Variants in PTPRM observed in about 807,000 individuals in gnomAD.
PTPRM encodes protein tyrosine phosphatase receptor type M, also known as receptor-type tyrosine-protein phosphatase mu.
Under a neutral mutation model 186.7 loss-of-function variants are expected in PTPRM, and 47 were observed. The observed-to-expected ratio is 0.25, with a 90% confidence interval of 0.20 to 0.32. The LOEUF (loss-of-function observed/expected upper bound fraction) is 0.32. PTPRM is among the 10% of genes least tolerant of loss of function. PTPRM has a pLI of 1.00. For missense variants in PTPRM, 1,494 were observed against 1,865.0 expected, an observed-to-expected ratio of 0.80 and a Z score of 3.66; for synonymous variants, 668 against 674.9, an observed-to-expected ratio of 0.99 and a Z score of 0.16.
intron 2 of PTPRM, among the ~76,000 whole-genome samples, chr18:7,806,953 G>C (rs1377332983): frequency 6.6e-6 from 1 of 152,194 alleles, no homozygotes; most frequent in East Asian, 1.9e-4. Context: ...TTCTGTGCCA[G>C]AGGTTTGTGG....
At chr18:8,013,076 C>A (rs777666593) in intron 7 of PTPRM, among the ~76,000 whole-genome samples, 1 of 151,916 alleles carries the variant, frequency 6.6e-6, no homozygotes, top group African/African-American at 2.4e-5. Flanking sequence ...AAGTAAGTCC[C>A]CTATCTTGGT....
At chr18:8,228,245 A>T (rs1366009895) in intron 14 of PTPRM, among the ~76,000 whole-genome samples, 1 of 152,072 alleles carries the variant, frequency 6.6e-6, no homozygotes, top group Admixed American at 6.5e-5. Context: ...ACTGATCTGT[A>T]TGGGGCACTC....
chr18:7,843,624 A>T (rs2046455459), intron 2 of PTPRM, among the ~76,000 whole-genome samples: 1 of 152,194 alleles, frequency 6.6e-6, no homozygotes, highest in African/African-American at 2.4e-5. Flanking sequence ...TTGCATGAAC[A>T]ACATTGCAAC....
At chr18:8,203,996 C>T (rs1040023577) in intron 14 of PTPRM, among the ~76,000 whole-genome samples, 2 of 152,168 alleles carry the variant, frequency 1.3e-5, no homozygotes, top group Non-Finnish European at 2.9e-5. Context: ...GTCACTGGTT[C>T]CATATGTGCA....
At chr18:8,131,052 T>A (rs1400911354) in intron 13 of PTPRM, among the ~76,000 whole-genome samples, 1 of 152,176 alleles carries the variant, frequency 6.6e-6, no homozygotes, top group African/African-American at 2.4e-5. Context: ...AATATAGGAT[T>A]GTTTTATGGC....
intron 23 of PTPRM, among the ~76,000 whole-genome samples, chr18:8,354,100 C>T (rs907113492): frequency 6.6e-6 from 1 of 151,920 alleles, no homozygotes; most frequent in Admixed American, 6.6e-5. Context: ...GTAATCCCAG[C>T]TACTTGGGAG....
intron 13 of PTPRM, among the ~76,000 whole-genome samples, chr18:8,125,280 G>A (rs1320307850): frequency 6.6e-6 from 1 of 151,928 alleles, no homozygotes; most frequent in Non-Finnish European, 1.5e-5. Flanking sequence ...TGTCAGGAGG[G>A]TTCCAGAGAA....
At chr18:7,812,140 A>G (rs16952556) in intron 2 of PTPRM, among the ~76,000 whole-genome samples, 2,095 of 152,328 alleles carry the variant, frequency 0.014, 53 homozygotes, top group African/African-American at 0.046. Flanking sequence ...TGTGATAACA[A>G]TATTGGATGA....
intron 1 of PTPRM, among the ~76,000 whole-genome samples, chr18:7,669,814 C>G (rs2039177850): frequency 1.3e-5 from 2 of 152,150 alleles, no homozygotes; most frequent in African/African-American, 4.8e-5. Flanking sequence ...CCTCCACCTC[C>G]TGGGTTCAAG....
chr18:8,138,916 T>C (rs2092700655), intron 13 of PTPRM, among the ~76,000 whole-genome samples: 1 of 152,154 alleles, frequency 6.6e-6, no homozygotes, highest in African/African-American at 2.4e-5. Context: ...CCTGTGTCTG[T>C]ATTCGCCTGG....
intron 5 of PTPRM, among the ~76,000 whole-genome samples, chr18:7,941,514 T>A (rs142087414): frequency 6.6e-6 from 1 of 152,280 alleles, no homozygotes; most frequent in Non-Finnish European, 1.5e-5. Flanking sequence ...TTTATCTTGT[T>A]TTAATTTATT....
intron 2 of PTPRM, among the ~76,000 whole-genome samples, chr18:7,806,335 C>T (rs541038663): frequency 1.1e-3 from 175 of 152,206 alleles, no homozygotes; most frequent in African/African-American, 4.1e-3. Flanking sequence ...ATTATGAGCT[C>T]ACAGACAAAT....
intron 2 of PTPRM, among the ~76,000 whole-genome samples, chr18:7,779,635 A>G (rs1487776667): frequency 6.6e-6 from 1 of 152,224 alleles, no homozygotes; most frequent in Non-Finnish European, 1.5e-5. Context: ...TTCACACTTC[A>G]GGACTTATTC....
At chr18:7,658,054 A>G (rs1245572863) in intron 1 of PTPRM, among the ~76,000 whole-genome samples, 2 of 152,076 alleles carry the variant, frequency 1.3e-5, no homozygotes, top group African/African-American at 4.8e-5. Context: ...GTTAAGATTT[A>G]CTCTCTCAGC....
intron 1 of PTPRM, among the ~76,000 whole-genome samples, chr18:7,581,889 G>A (rs866015622): frequency 3.9e-5 from 6 of 152,042 alleles, no homozygotes; most frequent in African/African-American, 7.2e-5. Flanking sequence ...CAAGCTCCTC[G>A]CCTCAAGCCA....
At chr18:8,359,657 T>G (rs370003785) in intron 23 of PTPRM, among the ~76,000 whole-genome samples, 10 of 152,252 alleles carry the variant, frequency 6.6e-5, no homozygotes, top group African/African-American at 1.7e-4. Context: ...AGCCTGCATG[T>G]GTAGCAGATG....
At chr18:8,088,510 C>T (rs1245222278) in intron 10 of PTPRM, among the ~76,000 whole-genome samples, 2 of 152,138 alleles carry the variant, frequency 1.3e-5, no homozygotes, top group African/African-American at 4.8e-5. Flanking sequence ...CTTAGAAGCC[C>T]CCTCATACCA....
chr18:8,214,809 C>T (rs1251187805), intron 14 of PTPRM, among the ~76,000 whole-genome samples: 1 of 152,080 alleles, frequency 6.6e-6, no homozygotes, highest in Non-Finnish European at 1.5e-5. Context: ...ATTACAGGCA[C>T]CCGCCACCGT....
intron 1 of PTPRM, among the ~76,000 whole-genome samples, chr18:7,773,134 A>G (rs898869909): frequency 1.3e-5 from 2 of 151,810 alleles, no homozygotes; most frequent in African/African-American, 4.8e-5. Context: ...AAGTAGTTTC[A>G]TTTCTAGTAC....
Sources: gnomAD v4.1 joint callset for allele counts (sites outside exome capture counted in the v4.1 genomes callset) on GRCh38, gnomAD v4.1.1 for gene constraint, MANE v1.5 for transcripts, NCBI Gene and HGNC (gene_info 2026-07-23, HGNC 2026-07-21) for gene names.